The following RASAL2 variants were observed in gnomAD, a reference collection of about 807,000 sequenced individuals.
The protein encoded by RASAL2 is ras GTPase-activating protein nGAP.
A neutral mutation model predicts 128.9 loss-of-function variants in RASAL2; 58 were observed. The ratio of observed to expected loss-of-function variants is 0.45; its 90% CI spans 0.36 to 0.56. The LOEUF (loss-of-function observed/expected upper bound fraction) is 0.56. RASAL2 is among the 20% of genes least tolerant of loss of function. The probability of loss-of-function intolerance (pLI) is 0.00; values close to 1 mark genes in which losing one functional copy is unlikely to be tolerated. For synonymous variants in RASAL2, 561 were observed against 580.8 expected, an observed-to-expected ratio of 0.97 and a Z score of 0.49; for missense variants, 1,360 against 1,601.6, an observed-to-expected ratio of 0.85 and a Z score of 2.57.
intron 3 of RASAL2, chr1:178,341,673 T>C: frequency 6.2e-7 from 1 of 1,606,320 alleles, no homozygotes; most frequent in South Asian, 1.1e-5. Context: ...TGTGGCTTTT[T>C]AAAAATTACA....
intron 3 of RASAL2, among the ~76,000 whole-genome samples, chr1:178,373,927 A>G (rs536273947): frequency 3.3e-5 from 5 of 152,228 alleles, no homozygotes; most frequent in South Asian, 2.1e-4. Context: ...TGGGTAGTCA[A>G]TTCCCGATTA....
At chr1:178,169,403 C>G (rs770474049) in intron 1 of RASAL2, among the ~76,000 whole-genome samples, 1 of 152,090 alleles carries the variant, frequency 6.6e-6, no homozygotes, top group Non-Finnish European at 1.5e-5. Context: ...TAAAATACAT[C>G]TGGTTGACTT....
At chr1:178,203,330 A>G (rs1440055626) in intron 1 of RASAL2, among the ~76,000 whole-genome samples, 1 of 152,226 alleles carries the variant, frequency 6.6e-6, no homozygotes, top group African/African-American at 2.4e-5. Flanking sequence ...AAGCAGCTGG[A>G]TTGATAGAAC....
chr1:178,221,281 C>A (rs1024079655), intron 1 of RASAL2, among the ~76,000 whole-genome samples: 1 of 152,004 alleles, frequency 6.6e-6, no homozygotes, highest in East Asian at 1.9e-4. Flanking sequence ...ATTGATTTCT[C>A]CTCTAATTTT....
chr1:178,353,200 A>G (rs1399121573), intron 3 of RASAL2, among the ~76,000 whole-genome samples: 1 of 152,136 alleles, frequency 6.6e-6, no homozygotes, highest in Non-Finnish European at 1.5e-5. Flanking sequence ...TTTACTGTCC[A>G]TTTCCCCTTT....
intron 1 of RASAL2, among the ~76,000 whole-genome samples, chr1:178,246,207 T>C (rs1558138581): frequency 6.6e-6 from 1 of 152,212 alleles, no homozygotes; most frequent in Admixed American, 6.5e-5. Context: ...GAGCATGGAA[T>C]TTTTTTCCAT....
In RASAL2 at chr1:178,108,666, A is replaced by G. The variant is rs532296877; in HGVS notation, c.202+13972A>G. Among the ~76,000 whole-genome samples the G allele has an allele frequency of 1.5e-3, 235 of 152,338 alleles. 1 individual carries two copies. The highest frequency in any genetic ancestry group is 5.4e-3 in the African/African-American group (225 of 41,594). On this transcript the variant is annotated intron_variant, in intron 1 of 17. Coordinates refer to ENST00000367649, the MANE Select transcript of RASAL2 (RefSeq NM_170692.4). ...ATCACTATATAATTTGACTTCTCAC[A>G]AATAAAGAATGCAAATAGTTATTAT...
Position 178,371,359 on chromosome 1 carries a change from C to CAAAT in RASAL2, c.458-18740_458-18739insAATA, listed in dbSNP as rs1671706369. Among the ~76,000 whole-genome samples the CAAAT allele has an allele frequency of 4.0e-5, 6 of 148,184 alleles. No homozygotes were observed. The South Asian group carries it at 6.3e-4, about 16-fold the overall frequency. On this transcript the variant is annotated intron_variant, in intron 3 of 17. Transcript: ENST00000367649. ...ACACACACACACACACACAAATACA[C>CAAAT]ACACACACACACACACACTTCCTTT...
At position 178,094,541 on chromosome 1, in the gene RASAL2, C is replaced by G; in HGVS notation, c.49C>G (p.Pro17Ala). Residue 17 changes from proline to alanine, a missense_variant, in exon 1 of 18, where the codon CCG becomes GCG. Physicochemically the swap from Pro to Ala is conservative, Grantham distance 27 (BLOSUM62 -1). Around this residue, in one of 3 missense-constraint regions of RASAL2, gnomAD observed 617 missense variants for 714.2 expected, o/e 0.86. Transcript: ENST00000367649. The stretch of plus-strand genomic sequence containing the variant: ...AGGAGCCGCGGAGGCGCTGTCCTGG[C>G]CGGAGATGTTCCCGGCGCTGGAGTC... ...SGGAAEALSW[P>A]EMFPALESDS... The G allele has an allele frequency of 6.3e-7, 1 of 1,583,072 alleles. No individual in the cohort carries two copies. The highest frequency in any genetic ancestry group is 8.6e-7 in the Non-Finnish European group (1 of 1,165,328).
intron 6 of RASAL2, among the ~76,000 whole-genome samples, chr1:178,440,193 T>C (rs973527798): frequency 7.9e-5 from 12 of 152,160 alleles, no homozygotes; most frequent in Admixed American, 2.6e-4. Context: ...TCAAAAACTA[T>C]ATATACATGT....
rs147888755 is a variant in RASAL2 at position 178,298,570 on chromosome 1, T to C, written c.331-1422T>C. On this transcript the variant is annotated intron_variant, in intron 2 of 17. Coordinates refer to ENST00000367649, the MANE Select transcript of RASAL2 (RefSeq NM_170692.4). Reference sequence around the variant, plus strand: ...TTACGGAAGCAAAGCAGAAGGCATGTACACTTAAGCCTATACCTGTCCTAC... The same window carrying C: ...TTACGGAAGCAAAGCAGAAGGCATGCACACTTAAGCCTATACCTGTCCTAC... 1.2e-4 allele frequency among the ~76,000 whole-genome samples: 19 copies of C among 152,334 alleles called. No homozygotes were observed. The East Asian group carries it at 3.5e-3, about 28-fold the overall frequency.
intron 1 of RASAL2, among the ~76,000 whole-genome samples, chr1:178,144,403 T>G (rs1304613782): frequency 6.6e-6 from 1 of 152,232 alleles, no homozygotes; most frequent in Non-Finnish European, 1.5e-5. Context: ...CATTTACAGC[T>G]CTTCACATTC....
chr1:178,471,505 A>T (rs1648267835), intron 17 of RASAL2, among the ~76,000 whole-genome samples: 1 of 152,222 alleles, frequency 6.6e-6, no homozygotes, highest in South Asian at 2.1e-4. Flanking sequence ...TACCAGATGC[A>T]TGGGTCATTA....
At chr1:178,410,759 C>T (rs1304729891) in intron 4 of RASAL2, among the ~76,000 whole-genome samples, 3 of 151,108 alleles carry the variant, frequency 2.0e-5, no homozygotes, top group South Asian at 2.1e-4. Flanking sequence ...GGCCAAGAAA[C>T]GTCAAAAAAA....
At chr1:178,271,082 T>C (rs1324035485) in intron 1 of RASAL2, among the ~76,000 whole-genome samples, 1 of 152,186 alleles carries the variant, frequency 6.6e-6, no homozygotes, top group African/African-American at 2.4e-5. Context: ...GGGACATTTA[T>C]CTATATAATG....
intron 1 of RASAL2, among the ~76,000 whole-genome samples, chr1:178,211,980 G>T (rs968019395): frequency 6.6e-6 from 1 of 152,164 alleles, no homozygotes; most frequent in African/African-American, 2.4e-5. Context: ...GTCAGTTGAG[G>T]TCCCTGAATG....
chr1:178,296,440 G>A lies in RASAL2; in HGVS notation c.331-3552G>A, dbSNP rs114523931. 7.9e-3 allele frequency among the ~76,000 whole-genome samples: 1,203 copies of A among 152,214 alleles called. 10 individuals carry two copies. The highest frequency in any genetic ancestry group is 0.016 in the Admixed American group (243 of 15,280). On this transcript the variant is annotated intron_variant, in intron 2 of 17. Coordinates refer to ENST00000367649, the MANE Select transcript of RASAL2 (RefSeq NM_170692.4). Reference sequence around the variant, plus strand: ...AGTGATGTGTTCATAGCTCATGGCAGCCTTAGATTCCTGTGCTTAAGTGAT... The same window carrying A: ...AGTGATGTGTTCATAGCTCATGGCAACCTTAGATTCCTGTGCTTAAGTGAT...
intron 3 of RASAL2, among the ~76,000 whole-genome samples, chr1:178,355,825 C>T (rs1167256853): frequency 1.3e-5 from 2 of 152,168 alleles, no homozygotes; most frequent in Non-Finnish European, 2.9e-5. Context: ...AACCAAATGG[C>T]TGTATACATT....
chr1:178,425,352 CT>C (rs980019622), intron 5 of RASAL2, among the ~76,000 whole-genome samples: 6 of 151,706 alleles, frequency 4.0e-5, no homozygotes, highest in East Asian at 1.9e-4. Flanking sequence ...AACAGTTCTG[CT>C]TTTTTTTGTC....
Sources: allele counts gnomAD v4.1 joint callset (sites outside exome capture counted in the v4.1 genomes callset), GRCh38; gene constraint gnomAD v4.1.1; regional missense constraint gnomAD v4.1.1; transcripts MANE v1.5; gene names NCBI Gene and HGNC (gene_info 2026-07-23, HGNC 2026-07-21).